CNBD1: variants seen among roughly 807,000 people sequenced by gnomAD.
The protein encoded by CNBD1 is cyclic nucleotide-binding domain-containing protein 1.
Under a neutral mutation model 54.4 loss-of-function variants are expected in CNBD1, and 71 were observed. The ratio of observed to expected loss-of-function variants is 1.30; its 90% CI spans 1.08 to 1.59. The LOEUF is 1.59. Among genes scored for constraint, CNBD1 ranks in the 40% most tolerant of loss-of-function variants. The pLI is 0.00. For synonymous variants in CNBD1, 182 were observed against 170.7 expected (o/e 1.07, Z -0.51); for missense variants, 659 against 518.0 (o/e 1.27, Z -2.64).
chr8:87,260,839 C>A (rs1020964124), intron 6 of CNBD1, among the ~76,000 whole-genome samples: 1 of 151,992 alleles, frequency 6.6e-6, no homozygotes, highest in African/African-American at 2.4e-5. Context: ...GCCTCCTAGG[C>A]CTAATGTATA....
In CNBD1 at chr8:87,382,633, G is replaced by A. The variant is rs952859822; in HGVS notation, c.*6G>A. The A allele has an allele frequency of 6.5e-7, 1 of 1,531,616 alleles. No individual in the cohort carries two copies. Among genetic ancestry groups the A allele is most frequent in the Non-Finnish European group, 8.8e-7 (1 of 1,130,860 alleles). 94.9% of individuals were successfully genotyped at this position (1,531,616 alleles called of 1,614,324 possible). On this transcript the variant is annotated 3_prime_UTR_variant, in exon 11 of 11. Coordinates refer to ENST00000518476, the MANE Select transcript of CNBD1 (RefSeq NM_173538.3). Reference sequence around the variant, plus strand: ...TGCCTTTTGCAGTGGCCTAGATCTAGAAACAACCTCAGTGAACATTAATTA... The same window carrying A: ...TGCCTTTTGCAGTGGCCTAGATCTAAAAACAACCTCAGTGAACATTAATTA...
chr8:87,110,065 T>G (rs1683793423), intron 4 of CNBD1, among the ~76,000 whole-genome samples: 1 of 152,178 alleles, frequency 6.6e-6, no homozygotes, highest in South Asian at 2.1e-4. Flanking sequence ...TTGGCTACTT[T>G]TCTTCCCACA....
At chr8:87,112,190 T>C (rs534514926) in intron 4 of CNBD1, among the ~76,000 whole-genome samples, 33 of 152,320 alleles carry the variant, frequency 2.2e-4, no homozygotes, top group Non-Finnish European at 4.4e-4. Context: ...CCATATTTAA[T>C]GTGGGCCATT....
At position 87,206,131 on chromosome 8, in the gene CNBD1, C is replaced by T; in HGVS notation, c.570C>T (p.Gly190=). Residue 190 remains glycine (G), a synonymous_variant, in exon 5 of 11, where the codon GGC becomes GGT. Coordinates refer to ENST00000518476, the MANE Select transcript of CNBD1 (RefSeq NM_173538.3). Reference sequence around the variant, plus strand: ...TCTTTTCCGAAACCTGGTTGAAAGGCAGCACAGGTAATAGACTAATGTGGG... The same window carrying T: ...TCTTTTCCGAAACCTGGTTGAAAGGTAGCACAGGTAATAGACTAATGTGGG... ...KTVFSETWLK[G]STVVANDGFY... 6 of 1,585,118 alleles carry T rather than the reference C, an allele frequency of 3.8e-6. No individual in the cohort carries two copies. Among genetic ancestry groups the T allele is most frequent in the Non-Finnish European group, 5.1e-6 (6 of 1,167,952 alleles).
At position 87,008,578 on chromosome 8, in the gene CNBD1, C is replaced by T. The variant is rs556857800; in HGVS notation, c.431+68824C>T. Among the ~76,000 whole-genome samples, 8 of 152,264 alleles carry T rather than the reference C, an allele frequency of 5.3e-5. No homozygotes were observed. The East Asian group carries it at 1.5e-3, about 29-fold the overall frequency. On this transcript the variant is annotated intron_variant, in intron 4 of 10. Coordinates refer to ENST00000518476, the MANE Select transcript of CNBD1 (RefSeq NM_173538.3). Reference sequence around the variant, plus strand: ...TGATAAGTCAAATATATCCTTGCATCTAAGTCCCTGCTGAGTGAAAGGTTT... The same window carrying T: ...TGATAAGTCAAATATATCCTTGCATTTAAGTCCCTGCTGAGTGAAAGGTTT...
intron 4 of CNBD1, among the ~76,000 whole-genome samples, chr8:86,961,588 A>C (rs1397933903): frequency 2.6e-5 from 4 of 152,234 alleles, no homozygotes; most frequent in Non-Finnish European, 4.4e-5. Context: ...GGAGAGGTGG[A>C]GGTCCAGAGG....
At chr8:87,420,795 G>T (rs544219022) in intron 2 of CNBD1, among the ~76,000 whole-genome samples, 32 of 148,238 alleles carry the variant, frequency 2.2e-4, no homozygotes, top group Non-Finnish European at 3.3e-4. Flanking sequence ...TTTGACAGTC[G>T]TTGGTATATT....
chr8:87,339,185 TC>T (rs1452932738), intron 8 of CNBD1, among the ~76,000 whole-genome samples: 1 of 152,120 alleles, frequency 6.6e-6, no homozygotes, highest in Non-Finnish European at 1.5e-5. Context: ...GTTCTTCCCC[TC>T]CCCTCACTGG....
At chr8:87,412,956 C>T (rs577485837) in intron 2 of CNBD1, among the ~76,000 whole-genome samples, 5 of 152,112 alleles carry the variant, frequency 3.3e-5, no homozygotes, top group Admixed American at 6.6e-5. Context: ...TGGTCCTGTC[C>T]TTGTCCTGTA....
Position 87,087,245 on chromosome 8 carries a change from A to ACGTATAT in CNBD1, c.432-118747_432-118741dup, listed in dbSNP as rs1170241206. On this transcript the variant is annotated intron_variant, in intron 4 of 10. Transcript: ENST00000518476. ...TCTACACACACACACATATATATATACGTATATATATATATACATATATAT... is the reference window on the plus strand; with the variant it reads ...TCTACACACACACACATATATATATACGTATATCGTATATATATATATACATATATAT... Among the ~76,000 whole-genome samples the ACGTATAT allele has an allele frequency of 4.5e-3, 644 of 141,896 alleles. 5 individuals are homozygous for ACGTATAT. The highest frequency in any genetic ancestry group is 0.016 in the African/African-American group (609 of 36,954). 93.1% of individuals were successfully genotyped at this position (141,896 alleles called of 152,430 possible).
intron 4 of CNBD1, among the ~76,000 whole-genome samples, chr8:86,996,807 A>G (rs1808880717): frequency 6.6e-6 from 1 of 152,210 alleles, no homozygotes; most frequent in East Asian, 1.9e-4. Flanking sequence ...CAGATAAACA[A>G]TGACAATGTA....
chr8:87,048,557 A>T (rs553128393), intron 4 of CNBD1, among the ~76,000 whole-genome samples: 4 of 152,196 alleles, frequency 2.6e-5, no homozygotes, highest in Admixed American at 2.0e-4. Context: ...GGTAACAGAC[A>T]TCTTAAATGA....
chr8:87,042,338 G>A lies in CNBD1; in HGVS notation c.431+102584G>A, dbSNP rs149005009. On this transcript the variant is annotated intron_variant, in intron 4 of 10. Transcript: ENST00000518476. Reference sequence around the variant, plus strand: ...GATACAAATGAGCCATCAGCCCAGGGATAGTGTTAAAACCACGGTCTTGAA... The same window carrying A: ...GATACAAATGAGCCATCAGCCCAGGAATAGTGTTAAAACCACGGTCTTGAA... 3.3e-5 allele frequency among the ~76,000 whole-genome samples: 5 copies of A among 152,256 alleles called. 1 individual carries two copies. Among genetic ancestry groups the A allele is most frequent in the East Asian group, 3.9e-4 (2 of 5,172 alleles).
In CNBD1 at chr8:87,061,166, T is replaced by C. The variant is rs80322023; in HGVS notation, c.431+121412T>C. On this transcript the variant is annotated intron_variant, in intron 4 of 10. Coordinates refer to ENST00000518476, the MANE Select transcript of CNBD1 (RefSeq NM_173538.3). ...CAATGTCCTTGCTTCTCTTGTACCA[T>C]TGGAAAAAATTCTTCTGCTCAACAC... Among the ~76,000 whole-genome samples the C allele has an allele frequency of 5.6e-3, 860 of 152,340 alleles. 15 individuals carry two copies. Among genetic ancestry groups the C allele is most frequent in the African/African-American group, 0.02 (819 of 41,578 alleles).
intron 2 of CNBD1, among the ~76,000 whole-genome samples, chr8:87,406,046 T>A (rs1235897840): frequency 6.6e-6 from 1 of 152,162 alleles, no homozygotes; most frequent in East Asian, 1.9e-4. Context: ...GAGCTTGTTC[T>A]TAAATATTTA....
intron 8 of CNBD1, among the ~76,000 whole-genome samples, chr8:87,291,750 C>G (rs1199606346): frequency 1.3e-5 from 2 of 152,090 alleles, no homozygotes; most frequent in African/African-American, 4.8e-5. Context: ...ATTCGAGTAG[C>G]TGAGACTAAA....
intron 4 of CNBD1, among the ~76,000 whole-genome samples, chr8:87,110,727 CA>C (rs1194272801): frequency 2.0e-5 from 3 of 152,238 alleles, no homozygotes; most frequent in Admixed American, 6.5e-5. Flanking sequence ...TTGGAGTATT[CA>C]GTTCCTTTTA....
intron 4 of CNBD1, among the ~76,000 whole-genome samples, chr8:87,011,353 A>T (rs532871160): frequency 6.6e-6 from 1 of 152,196 alleles, no homozygotes; most frequent in East Asian, 1.9e-4. Context: ...AAAAGTGGCA[A>T]AGACCATTTG....
At chr8:87,314,138 G>C (rs1010538753) in intron 8 of CNBD1, among the ~76,000 whole-genome samples, 1 of 151,582 alleles carries the variant, frequency 6.6e-6, no homozygotes, top group Non-Finnish European at 1.5e-5. Context: ...TAATATGGGA[G>C]CTAAAACTGA....
Sources: allele counts gnomAD v4.1 joint callset (sites outside exome capture counted in the v4.1 genomes callset), GRCh38; gene constraint gnomAD v4.1.1; transcripts MANE v1.5; gene names NCBI Gene and HGNC (gene_info 2026-07-23, HGNC 2026-07-21).